The following EXOC2 variants were observed in gnomAD, a reference collection of about 807,000 sequenced individuals.
EXOC2 encodes exocyst complex component 2, also known as SEC5-like 1.
Under a neutral mutation model 131.8 loss-of-function variants are expected in EXOC2, and 70 were observed. That is an observed-to-expected ratio of 0.53 (90% CI 0.44 to 0.65). EXOC2 has a LOEUF of 0.65. Among genes scored for constraint, EXOC2 ranks in the 30% least tolerant of loss-of-function variants. The pLI, the probability that EXOC2 is intolerant of heterozygous loss-of-function variation, is 0.00. For synonymous variants in EXOC2, 411 were observed against 398.4 expected (o/e 1.03, Z -0.38); for missense variants, 923 against 1,108.6 (o/e 0.83, Z 2.38).
chr6:577,374 A>G (rs1333026013), intron 11 of EXOC2, among the ~76,000 whole-genome samples: 1 of 152,176 alleles, frequency 6.6e-6, no homozygotes, highest in Non-Finnish European at 1.5e-5. Context: ...CACACTTCAT[A>G]TGCCAGAAGC....
chr6:641,425 G>C (rs1339370378), intron 1 of EXOC2, among the ~76,000 whole-genome samples: 1 of 152,152 alleles, frequency 6.6e-6, no homozygotes, highest in East Asian at 1.9e-4. Context: ...TGACTCAACA[G>C]CAGGACTGGC....
At chr6:520,735 G>A (rs1400185458) in intron 23 of EXOC2, among the ~76,000 whole-genome samples, 1 of 129,372 alleles carries the variant, frequency 7.7e-6, no homozygotes, top group South Asian at 2.6e-4. Flanking sequence ...CGCACGGAGC[G>A]CCGACACTCA....
intron 7 of EXOC2, among the ~76,000 whole-genome samples, chr6:601,172 T>G (rs1360036941): frequency 1.3e-5 from 2 of 152,154 alleles, no homozygotes; most frequent in African/African-American, 4.8e-5. Flanking sequence ...CAGGAAGGCA[T>G]CAACAAAGGT....
rs192070573 is a variant in EXOC2, at chr6:630,901, T to C, written c.296-940A>G. 4.6e-5 allele frequency among the ~76,000 whole-genome samples: 7 copies of C among 152,350 alleles called. No individual in the cohort carries two copies. In the East Asian group the frequency reaches 1.4e-3, roughly 29 times the overall value. Reference sequence around the variant, plus strand: ...ACCAGGTTATTCAGGGAAAACTGACTGGGTGTGGACCCTGTGAACAAGACA... The same window carrying C: ...ACCAGGTTATTCAGGGAAAACTGACCGGGTGTGGACCCTGTGAACAAGACA... On this transcript the variant is annotated intron_variant, in intron 3 of 27. Coordinates refer to ENST00000230449, the MANE Select transcript of EXOC2 (RefSeq NM_018303.6).
chr6:502,973 A>G lies in EXOC2; in HGVS notation c.2381-3273T>C, dbSNP rs551345409. On this transcript the variant is annotated intron_variant, in intron 23 of 27. Transcript: ENST00000230449. Reference sequence around the variant, plus strand: ...CACATCAGGCCAGTGAGGTTCAAAGAGGCAGCATTCAACTGGATGCATCGG... The same window carrying G: ...CACATCAGGCCAGTGAGGTTCAAAGGGGCAGCATTCAACTGGATGCATCGG... Among the ~76,000 whole-genome samples the G allele has an allele frequency of 6.6e-5, 10 of 152,330 alleles. No individual in the cohort carries two copies. The East Asian group carries it at 1.7e-3, about 26-fold the overall frequency.
Position 644,888 on chromosome 6 carries a change from A to G in EXOC2, c.-43-7027T>C, listed in dbSNP as rs543908003. ...ATCATGACCATGGATCAGAAGACTC[A>G]ATGTTGTTAAAGTATCAATTCTCCC... On this transcript the variant is annotated intron_variant, in intron 1 of 27. Coordinates refer to ENST00000230449, the MANE Select transcript of EXOC2 (RefSeq NM_018303.6). 6.2e-4 allele frequency among the ~76,000 whole-genome samples: 94 copies of G among 152,286 alleles called. No homozygotes were observed. In the Middle Eastern group the frequency reaches 0.014, roughly 22 times the overall value.
rs531397359 is a variant in EXOC2, at chr6:678,393, T to C, written c.-44+14626A>G. On this transcript the variant is annotated intron_variant, in intron 1 of 27. Coordinates refer to ENST00000230449, the MANE Select transcript of EXOC2 (RefSeq NM_018303.6). Reference sequence around the variant, plus strand: ...GTGTACCAAAGATCTCTGCAAACTTTAAAGGCCAAAATAAAAGTAACCTAG... The same window carrying C: ...GTGTACCAAAGATCTCTGCAAACTTCAAAGGCCAAAATAAAAGTAACCTAG... 2.6e-5 allele frequency among the ~76,000 whole-genome samples: 4 copies of C among 152,296 alleles called. No individual in the cohort carries two copies. In the East Asian group the frequency reaches 7.7e-4, roughly 29 times the overall value.
intron 25 of EXOC2, 103 bp downstream of exon 25, chr6:497,264 C>A (rs1763796086): frequency 2.0e-6 from 2 of 990,766 alleles, no homozygotes; most frequent in Non-Finnish European, 3.1e-6. Context: ...ATCAGTAGAT[C>A]CATTAAAAGA....
chr6:591,165 C>CA (rs1449637739), intron 11 of EXOC2, among the ~76,000 whole-genome samples: 2 of 152,194 alleles, frequency 1.3e-5, no homozygotes, highest in Non-Finnish European at 2.9e-5. Context: ...GTCTCCTCAC[C>CA]AGCTTCACTG....
intron 4 of EXOC2, among the ~76,000 whole-genome samples, chr6:620,998 T>C (rs1345249344): frequency 6.6e-6 from 1 of 152,154 alleles, no homozygotes; most frequent in Non-Finnish European, 1.5e-5. Context: ...CCATGACTCA[T>C]GGATGCATCT....
chr6:643,315 G>C (rs2143330), intron 1 of EXOC2, among the ~76,000 whole-genome samples: 107,725 of 152,010 alleles, frequency 0.71, 38,812 homozygotes, highest in Middle Eastern at 0.88. Context: ...CAAGATAGAC[G>C]ATATGCTGGG....
chr6:569,025 T>C (rs941337086), intron 13 of EXOC2, among the ~76,000 whole-genome samples: 2 of 152,228 alleles, frequency 1.3e-5, no homozygotes, highest in Admixed American at 1.3e-4. Flanking sequence ...TTTAATTTAA[T>C]AGAGCTGAAT....
intron 23 of EXOC2, among the ~76,000 whole-genome samples, chr6:526,808 G>T (rs917894664): frequency 1.3e-5 from 2 of 152,076 alleles, no homozygotes; most frequent in African/African-American, 4.8e-5. Flanking sequence ...ATTAAGGGCT[G>T]CCTGGATTTG....
At chr6:611,629 AC>A (rs963182057) in intron 6 of EXOC2, among the ~76,000 whole-genome samples, 3 of 152,244 alleles carry the variant, frequency 2.0e-5, no homozygotes, top group Admixed American at 1.3e-4. Context: ...ACTGAGAGAC[AC>A]TGGGATCTGA....
chr6:633,770 A>C (rs1761970485), intron 2 of EXOC2, among the ~76,000 whole-genome samples: 1 of 152,192 alleles, frequency 6.6e-6, no homozygotes, highest in African/African-American at 2.4e-5. Context: ...AACTGTCACT[A>C]CACTACATTC....
chr6:595,246 C>T (rs1759747474), intron 10 of EXOC2, among the ~76,000 whole-genome samples: 1 of 152,006 alleles, frequency 6.6e-6, no homozygotes, highest in Non-Finnish European at 1.5e-5. Context: ...CTCTACTATG[C>T]ATAATCTGGA....
At chr6:551,285 G>A (rs182424110) in intron 21 of EXOC2, among the ~76,000 whole-genome samples, 96 of 152,278 alleles carry the variant, frequency 6.3e-4, no homozygotes, top group African/African-American at 2.0e-3. Flanking sequence ...TTCTGACTCC[G>A]AATCTAGATA....
Position 564,151 on chromosome 6 carries a change from A to G in EXOC2, c.1671T>C (p.Leu557=). The G allele has an allele frequency of 6.2e-7, 1 of 1,613,682 alleles. No homozygotes were observed. The highest frequency in any genetic ancestry group is 2.2e-5 in the East Asian group (1 of 44,878). ...CAAGGGCAGTCAACGATTCATGAGT[A>G]AGTCTGCGAACAAACACATCCAAAC... ...WLAHAIQTVR[L]THESLTALEI... The change falls in exon 16 of 28, where the codon CTT becomes CTC. Residue 557 remains leucine, a synonymous_variant. Coordinates refer to ENST00000230449, the MANE Select transcript of EXOC2 (RefSeq NM_018303.6).
At chr6:612,028 C>T (rs545729727) in intron 6 of EXOC2, among the ~76,000 whole-genome samples, 2 of 152,282 alleles carry the variant, frequency 1.3e-5, no homozygotes, top group Admixed American at 6.5e-5. Context: ...CATTGTTAAA[C>T]GAGGCACCAA....
Sources: gnomAD v4.1 joint callset for allele counts (sites outside exome capture counted in the v4.1 genomes callset) on GRCh38, gnomAD v4.1.1 for gene constraint, MANE v1.5 for transcripts, NCBI Gene and HGNC (gene_info 2026-07-23, HGNC 2026-07-21) for gene names.